CCSER1: variants seen among roughly 807,000 people sequenced by gnomAD.
CCSER1 encodes coiled-coil serine rich protein 1.
CCSER1 carries 41 observed loss-of-function variants against 82.0 expected under a neutral mutation model. The observed-to-expected ratio is 0.50, with a 90% CI of 0.39 to 0.65. The LOEUF (loss-of-function observed/expected upper bound fraction) is 0.65. Ranked by LOEUF, CCSER1 falls within the 30% of genes least tolerant of loss-of-function variation. CCSER1 has a pLI of 0.00. For synonymous variants in CCSER1, 414 were observed against 383.9 expected, an observed-to-expected ratio of 1.08 and a Z score of -0.92; for missense variants, 1,119 against 1,064.2, an observed-to-expected ratio of 1.05 and a Z score of -0.72.
chr4:90,790,829 G>A (rs983784263), intron 7 of CCSER1, among the ~76,000 whole-genome samples: 6 of 152,096 alleles, frequency 3.9e-5, no homozygotes, highest in African/African-American at 1.4e-4. Context: ...ACATTTTCCT[G>A]TCTTCTTCTG....
At chr4:90,896,637 A>G (rs1470623094) in intron 8 of CCSER1, among the ~76,000 whole-genome samples, 1 of 151,936 alleles carries the variant, frequency 6.6e-6, no homozygotes, top group Non-Finnish European at 1.5e-5. Context: ...TATGTTTACT[A>G]ATCTAGCCAA....
chr4:91,110,313 G>A (rs570467499), intron 10 of CCSER1, among the ~76,000 whole-genome samples: 1 of 151,876 alleles, frequency 6.6e-6, no homozygotes, highest in African/African-American at 2.4e-5. Flanking sequence ...AATAAACTTA[G>A]TGCTTGCTCC....
intron 6 of CCSER1, among the ~76,000 whole-genome samples, chr4:90,675,268 G>T (rs140174844): frequency 0.026 from 3,878 of 152,042 alleles, 79 homozygotes; most frequent in Non-Finnish European, 0.041. Context: ...ACTTACAGTT[G>T]CAAGGCTTAT....
At chr4:90,189,581 C>G (rs188301362) in intron 1 of CCSER1, among the ~76,000 whole-genome samples, 8 of 151,522 alleles carry the variant, frequency 5.3e-5, no homozygotes. Flanking sequence ...CATATATATA[C>G]CATAGAGACG....
intron 3 of CCSER1, among the ~76,000 whole-genome samples, chr4:90,384,280 T>TCCCTCCC (rs1749671860): frequency 1.0e-5 from 1 of 97,048 alleles, no homozygotes; most frequent in African/African-American, 4.0e-5. Flanking sequence ...GCTAATGCTA[T>TCCCTCCC]CCCTCCCCCC....
At chr4:90,636,567 C>G (rs951774811) in intron 6 of CCSER1, among the ~76,000 whole-genome samples, 3 of 151,772 alleles carry the variant, frequency 2.0e-5, no homozygotes, top group African/African-American at 7.3e-5. Flanking sequence ...CCAAGCAATA[C>G]AATTTACTAT....
At chr4:90,760,704 T>C (rs1483470790) in intron 7 of CCSER1, among the ~76,000 whole-genome samples, 2 of 152,056 alleles carry the variant, frequency 1.3e-5, no homozygotes, top group Non-Finnish European at 2.9e-5. Context: ...TAGAAATAGA[T>C]CTAAGTTGAA....
chr4:91,231,769 A>T (rs188787227), intron 10 of CCSER1, among the ~76,000 whole-genome samples: 10 of 151,928 alleles, frequency 6.6e-5, no homozygotes, highest in Admixed American at 5.2e-4. Context: ...TCACAATAAT[A>T]TCCAGGTATC....
intron 5 of CCSER1, among the ~76,000 whole-genome samples, chr4:90,474,139 CAAA>C (rs113535187): frequency 4.9e-5 from 5 of 102,002 alleles, no homozygotes; most frequent in Non-Finnish European, 8.8e-5. Flanking sequence ...GATTCCCTCT[CAAA>C]AAAAAAAAAA....
chr4:90,823,687 T>G (rs1283004105), intron 8 of CCSER1, among the ~76,000 whole-genome samples: 1 of 152,030 alleles, frequency 6.6e-6, no homozygotes, highest in Admixed American at 6.5e-5. Flanking sequence ...ACATTTTAGT[T>G]TATAATTAAA....
intron 5 of CCSER1, among the ~76,000 whole-genome samples, chr4:90,586,147 G>C (rs1265209260): frequency 6.6e-6 from 1 of 152,136 alleles, no homozygotes; most frequent in Non-Finnish European, 1.5e-5. Context: ...TCCACCTCCT[G>C]TCAGATTAGC....
At chr4:91,278,702 T>C (rs899744933) in intron 10 of CCSER1, among the ~76,000 whole-genome samples, 8 of 152,162 alleles carry the variant, frequency 5.3e-5, no homozygotes, top group African/African-American at 1.7e-4. Flanking sequence ...TGTTGATATG[T>C]GAGGTTTTTT....
intron 2 of CCSER1, among the ~76,000 whole-genome samples, chr4:90,311,451 T>C (rs1468291056): frequency 6.6e-6 from 1 of 152,128 alleles, no homozygotes; most frequent in Non-Finnish European, 1.5e-5. Flanking sequence ...CTTGGATAAA[T>C]AAGCTGGTAA....
chr4:91,340,653 ATATAT>A (rs769536112), intron 10 of CCSER1, among the ~76,000 whole-genome samples: 23 of 152,288 alleles, frequency 1.5e-4, no homozygotes, highest in Middle Eastern at 3.4e-3. Context: ...TACTTTGATA[ATATAT>A]TATAGATAAT....
At chr4:90,340,920 A>C (rs1242149775) in intron 3 of CCSER1, among the ~76,000 whole-genome samples, 1 of 152,106 alleles carries the variant, frequency 6.6e-6, no homozygotes, top group Non-Finnish European at 1.5e-5. Flanking sequence ...AGTTAACCTA[A>C]TGATATGTTT....
At chr4:91,185,982 A>G (rs1348498652) in intron 10 of CCSER1, among the ~76,000 whole-genome samples, 1 of 152,194 alleles carries the variant, frequency 6.6e-6, no homozygotes, top group Non-Finnish European at 1.5e-5. Flanking sequence ...AAATGTAGCC[A>G]TAATATTTCC....
chr4:90,731,367 G>A (rs531536710), intron 7 of CCSER1, among the ~76,000 whole-genome samples: 1 of 152,232 alleles, frequency 6.6e-6, no homozygotes, highest in Non-Finnish European at 1.5e-5. Context: ...AATGGCAGAC[G>A]ATGTTGGTTT....
chr4:90,934,275 TTG>T (rs1730648458), intron 9 of CCSER1, among the ~76,000 whole-genome samples: 1 of 152,164 alleles, frequency 6.6e-6, no homozygotes, highest in Non-Finnish European at 1.5e-5. Flanking sequence ...GTGACGTTAT[TTG>T]TGTGTTATAA....
chr4:90,136,822 A>T (rs1723780918), intron 1 of CCSER1, among the ~76,000 whole-genome samples: 1 of 152,210 alleles, frequency 6.6e-6, no homozygotes, highest in Non-Finnish European at 1.5e-5. Context: ...GAAAAGCTCG[A>T]AGTGAGAAAA....
Sources: allele counts gnomAD v4.1 joint callset (sites outside exome capture counted in the v4.1 genomes callset), GRCh38; gene constraint gnomAD v4.1.1; transcripts MANE v1.5; gene names NCBI Gene and HGNC (gene_info 2026-07-23, HGNC 2026-07-21).